IL1RAPL1: variants seen among roughly 807,000 people sequenced by gnomAD.
The protein encoded by IL1RAPL1 is interleukin-1 receptor accessory protein-like 1.
In IL1RAPL1, 3 loss-of-function variants were observed where a neutral mutation model predicts 48.4. The observed-to-expected ratio is 0.06, with a 90% CI of 0.03 to 0.16. The LOEUF is 0.16. IL1RAPL1 is among the 10% of genes least tolerant of loss of function. The pLI is 1.00. For synonymous variants in IL1RAPL1, 185 were observed against 187.7 expected (o/e 0.99, Z 0.12); for missense variants, 349 against 530.6 (o/e 0.66, Z 3.36).
intron 1 of IL1RAPL1, among the ~76,000 whole-genome samples, chrX:28,777,058 A>C (rs1936369867): frequency 8.9e-6 from 1 of 112,087 alleles, no homozygotes; most frequent in African/African-American, 3.2e-5. Context: ...TTATTCTTTT[A>C]CAATTCTGTA....
At chrX:28,903,533 G>A (rs967637260) in intron 2 of IL1RAPL1, among the ~76,000 whole-genome samples, 5 of 109,007 alleles carry the variant, frequency 4.6e-5, no homozygotes, top group Admixed American at 2.0e-4. Context: ...ATGTCCACAC[G>A]GCATTTCGTT....
At chrX:29,246,566 C>G (rs1931517692) in intron 2 of IL1RAPL1, among the ~76,000 whole-genome samples, 3 of 111,330 alleles carry the variant, frequency 2.7e-5, no homozygotes, top group African/African-American at 9.8e-5. Flanking sequence ...TCTTCTATCT[C>G]CTGTTGCTAC....
chrX:29,733,061 G>A (rs1250160544), intron 6 of IL1RAPL1, among the ~76,000 whole-genome samples: 1 of 111,321 alleles, frequency 9.0e-6, no homozygotes, highest in Non-Finnish European at 1.9e-5. Context: ...AAGAGGATGA[G>A]AGGGGAGGGA....
chrX:28,741,530 C>A (rs939773692), intron 1 of IL1RAPL1, among the ~76,000 whole-genome samples: 3 of 111,824 alleles, frequency 2.7e-5, no homozygotes, highest in Non-Finnish European at 5.7e-5. Context: ...AAGTAATTTT[C>A]CAAACATGCT....
chrX:29,151,186 A>C (rs1378803522), intron 2 of IL1RAPL1, among the ~76,000 whole-genome samples: 2 of 111,820 alleles, frequency 1.8e-5, no homozygotes, highest in African/African-American at 6.5e-5. Flanking sequence ...GAAGCAAGTC[A>C]CCAACTGATC....
At chrX:29,276,364 A>G (rs1302161300) in intron 2 of IL1RAPL1, among the ~76,000 whole-genome samples, 1 of 112,367 alleles carries the variant, frequency 8.9e-6, no homozygotes, top group Non-Finnish European at 1.9e-5. Flanking sequence ...TATATCAACA[A>G]GGATTTATTG....
chrX:29,418,121 ATATATTTT>A (rs1481453673), intron 5 of IL1RAPL1, among the ~76,000 whole-genome samples: 5 of 40,292 alleles, frequency 1.2e-4, no homozygotes, highest in African/African-American at 6.5e-4. Context: ...ATATATATAT[ATATATTTT>A]TTTTTTTTTT....
At chrX:28,643,043 C>T (rs1250567639) in intron 1 of IL1RAPL1, among the ~76,000 whole-genome samples, 1 of 111,031 alleles carries the variant, frequency 9.0e-6, no homozygotes, top group East Asian at 2.9e-4. Context: ...CGTGTGCCAC[C>T]ATACCCACCT....
At chrX:28,690,421 G>T (rs1322244730) in intron 1 of IL1RAPL1, among the ~76,000 whole-genome samples, 1 of 111,005 alleles carries the variant, frequency 9.0e-6, no homozygotes, top group Non-Finnish European at 1.9e-5. Context: ...ATGTTTTTGA[G>T]GAGCTCCTAA....
chrX:29,239,703 C>T (rs1028795211), intron 2 of IL1RAPL1, among the ~76,000 whole-genome samples: 1 of 108,432 alleles, frequency 9.2e-6, no homozygotes, highest in Non-Finnish European at 1.9e-5. Flanking sequence ...TTTCTTAAAA[C>T]ATTGTGAGAT....
rs61003668 is a variant in IL1RAPL1 at position 29,527,326 on chromosome X, CTTTTTTT to C, written c.703+128042_703+128048del. 4.7e-4 allele frequency among the ~76,000 whole-genome samples: 12 copies of C among 25,568 alleles called. No individual in the cohort carries two copies. In the East Asian group the frequency reaches 5.4e-3, roughly 11 times the overall value. 22.2% of individuals were successfully genotyped at this position (25,568 alleles called of 115,157 possible). A position where few individuals can be genotyped will look rare whatever the true frequency, so the allele number is the denominator to read the frequency against. On this transcript the variant is annotated intron_variant, in intron 5 of 10. Coordinates refer to ENST00000378993, the MANE Select transcript of IL1RAPL1 (RefSeq NM_014271.4). ...TAGGACTTGCATGTAGGGAAGGACT[CTTTTTTT>C]TTTTTTTTTTTTTTTTTTTTTTTGA... is the stretch of plus-strand genomic sequence containing the variant.
chrX:28,842,849 C>A (rs776538599), intron 2 of IL1RAPL1, among the ~76,000 whole-genome samples: 2 of 111,043 alleles, frequency 1.8e-5, no homozygotes, highest in African/African-American at 6.5e-5. Flanking sequence ...TGTTTTCCTG[C>A]TTTTTGCCTC....
chrX:29,223,207 T>C (rs1931015534), intron 2 of IL1RAPL1, among the ~76,000 whole-genome samples: 1 of 111,977 alleles, frequency 8.9e-6, no homozygotes, highest in African/African-American at 3.2e-5. Flanking sequence ...TTTAAAAGAC[T>C]TACAAGGTTT....
chrX:29,080,876 G>A (rs1221670154), intron 2 of IL1RAPL1, among the ~76,000 whole-genome samples: 1 of 106,606 alleles, frequency 9.4e-6, no homozygotes, highest in African/African-American at 3.4e-5. Flanking sequence ...TGTAGTGGCT[G>A]GGACTACAGG....
chrX:28,712,323 G>A (rs148816684), intron 1 of IL1RAPL1, among the ~76,000 whole-genome samples: 3,185 of 110,266 alleles, frequency 0.029, 119 homozygotes, highest in African/African-American at 0.1. Flanking sequence ...AGTTTCTAAA[G>A]GATATTTTCA....
chrX:29,708,179 G>A lies in IL1RAPL1; in HGVS notation c.778+39675G>A, dbSNP rs370737281. Among the ~76,000 whole-genome samples, 3 of 110,652 alleles carry A rather than the reference G, an allele frequency of 2.7e-5. No homozygotes were observed. In the South Asian group the frequency reaches 1.1e-3, roughly 42 times the overall value. Reference sequence around the variant, plus strand: ...ACTATAATGGGATGTTTTGATCTATGTATACATTGTACAAAGAGTCACTCA... The same window carrying A: ...ACTATAATGGGATGTTTTGATCTATATATACATTGTACAAAGAGTCACTCA... On this transcript the variant is annotated intron_variant, in intron 6 of 10. Transcript: ENST00000378993.
At chrX:28,919,708 G>A (rs1321093616) in intron 2 of IL1RAPL1, among the ~76,000 whole-genome samples, 1 of 111,706 alleles carries the variant, frequency 9.0e-6, no homozygotes, top group African/African-American at 3.2e-5. Flanking sequence ...TGACACATAC[G>A]CATTCCATAA....
At chrX:29,919,142 G>A (rs1159034599) in intron 7 of IL1RAPL1, among the ~76,000 whole-genome samples, 2 of 112,048 alleles carry the variant, frequency 1.8e-5, no homozygotes, top group African/African-American at 3.2e-5. Context: ...GCCCCAGTGG[G>A]ATTCCAGAAG....
At chrX:28,940,623 A>T (rs1332124658) in intron 2 of IL1RAPL1, among the ~76,000 whole-genome samples, 1 of 110,981 alleles carries the variant, frequency 9.0e-6, no homozygotes, top group Non-Finnish European at 1.9e-5. Context: ...GAAATGTTTT[A>T]GAAGTCTCTA....
Sources: allele counts gnomAD v4.1 joint callset (sites outside exome capture counted in the v4.1 genomes callset), GRCh38; gene constraint gnomAD v4.1.1; transcripts MANE v1.5; gene names NCBI Gene and HGNC (gene_info 2026-07-23, HGNC 2026-07-21).